The following LYPLAL1 variants were observed in gnomAD, a reference collection of about 807,000 sequenced individuals.
LYPLAL1 encodes lysophospholipase like 1.
A neutral mutation model predicts 19.7 loss-of-function variants in LYPLAL1; 23 were observed. That is an observed-to-expected ratio of 1.17 (90% CI 0.84 to 1.65). The LOEUF (loss-of-function observed/expected upper bound fraction) is 1.65. Ranked by LOEUF, LYPLAL1 falls within the 40% of genes most tolerant of loss-of-function variation. LYPLAL1 has a pLI of 0.00. For missense variants in LYPLAL1, 355 were observed against 279.4 expected (o/e 1.27, Z -1.93); for synonymous variants, 119 against 96.3 (o/e 1.24, Z -1.38).
intron 2 of LYPLAL1, among the ~76,000 whole-genome samples, chr1:219,191,240 A>T (rs1328475654): frequency 1.3e-5 from 2 of 151,514 alleles, no homozygotes; most frequent in Non-Finnish European, 3.0e-5. Flanking sequence ...TTTTAATCCA[A>T]CCTGTTTCTT....
the LYPLAL1 span, among the ~76,000 whole-genome samples, chr1:219,400,261 A>T: frequency 2.0e-5 from 3 of 151,982 alleles, no homozygotes; most frequent in African/African-American, 4.8e-5. Context: ...CAGCTGTTCC[A>T]TGTGGCAGCA....
the LYPLAL1 span, among the ~76,000 whole-genome samples, chr1:219,334,526 G>GGTGTGT: frequency 0.028 from 4,049 of 147,204 alleles, 71 homozygotes; most frequent in Middle Eastern, 0.062. Context: ...AATGAAGAGG[G>GGTGTGT]GTGTGTGTGT....
chr1:219,295,343 A>G, the LYPLAL1 span, among the ~76,000 whole-genome samples: 1 of 152,114 alleles, frequency 6.6e-6, no homozygotes, highest in East Asian at 1.9e-4. Flanking sequence ...TCATCTTCAT[A>G]CCACCCACCT....
At chr1:219,291,732 T>G in the LYPLAL1 span, among the ~76,000 whole-genome samples, 170 of 152,190 alleles carry the variant, frequency 1.1e-3, no homozygotes, top group Non-Finnish European at 1.9e-3. Context: ...GCACCTAGAT[T>G]AGTAATTAAA....
At chr1:219,432,252 T>C in the LYPLAL1 span, among the ~76,000 whole-genome samples, 2 of 152,214 alleles carry the variant, frequency 1.3e-5, no homozygotes, top group Non-Finnish European at 2.9e-5. Flanking sequence ...CATCAATTTC[T>C]TTGATGTCCC....
the LYPLAL1 span, among the ~76,000 whole-genome samples, chr1:219,311,148 T>G: frequency 2.6e-4 from 40 of 152,172 alleles, no homozygotes; most frequent in African/African-American, 8.4e-4. Flanking sequence ...TTTTTTTTTT[T>G]TTTCTTTCTC....
chr1:219,236,577 A>C, the LYPLAL1 span, among the ~76,000 whole-genome samples: 1 of 152,326 alleles, frequency 6.6e-6, no homozygotes, highest in African/African-American at 2.4e-5. Context: ...TATCTACCAA[A>C]ACAGTCCATT....
the LYPLAL1 span, among the ~76,000 whole-genome samples, chr1:219,333,989 G>A: frequency 9.4e-4 from 143 of 152,102 alleles, 1 homozygote; most frequent in African/African-American, 2.7e-3. Flanking sequence ...TCAACTTTAT[G>A]ATGGAAAACA....
intron 1 of LYPLAL1, among the ~76,000 whole-genome samples, chr1:219,174,539 C>G (rs1169178086): frequency 6.6e-6 from 1 of 152,166 alleles, no homozygotes; most frequent in African/African-American, 2.4e-5. Context: ...CTTCCTTTCC[C>G]TTTCCCGCCT....
At chr1:219,271,525 C>G in the LYPLAL1 span, 1 of 151,942 alleles carries the variant, frequency 6.6e-6, no homozygotes, top group Non-Finnish European at 1.5e-5. Flanking sequence ...AAGAATATTG[C>G]CAATTAAAAG....
chr1:219,362,854 G>C, the LYPLAL1 span, among the ~76,000 whole-genome samples: 1 of 151,882 alleles, frequency 6.6e-6, no homozygotes, highest in Non-Finnish European at 1.5e-5. Context: ...GAGGTTAGAG[G>C]AAGGAAACAA....
chr1:219,205,207 A>G (rs992383998), intron 3 of LYPLAL1, among the ~76,000 whole-genome samples: 5 of 151,424 alleles, frequency 3.3e-5, no homozygotes, highest in African/African-American at 1.2e-4. Flanking sequence ...AATACAAAAA[A>G]TTAGCCGGGC....
At chr1:219,408,083 T>A in the LYPLAL1 span, among the ~76,000 whole-genome samples, 2 of 152,092 alleles carry the variant, frequency 1.3e-5, no homozygotes, top group Non-Finnish European at 2.9e-5. Flanking sequence ...TATAACAACA[T>A]GTCAGGTGTT....
the LYPLAL1 span, chr1:219,270,832 G>A: frequency 6.6e-6 from 1 of 152,258 alleles, no homozygotes; most frequent in South Asian, 2.1e-4. Context: ...CTTACTATCT[G>A]CCTAAATAAT....
the LYPLAL1 span, among the ~76,000 whole-genome samples, chr1:219,286,806 T>G: frequency 1.3e-5 from 2 of 152,252 alleles, no homozygotes; most frequent in African/African-American, 4.8e-5. Flanking sequence ...CTCCTCTGTA[T>G]GGTGACAGTT....
the LYPLAL1 span, among the ~76,000 whole-genome samples, chr1:219,349,425 G>A: frequency 6.6e-6 from 1 of 152,176 alleles, no homozygotes. Context: ...TGCTATGAGA[G>A]AGATGTGAAC....
chr1:219,427,946 G>T, the LYPLAL1 span, among the ~76,000 whole-genome samples: 1 of 152,114 alleles, frequency 6.6e-6, no homozygotes, highest in Non-Finnish European at 1.5e-5. Flanking sequence ...GACCATGATG[G>T]GTCTGCCTGG....
intron 2 of LYPLAL1, among the ~76,000 whole-genome samples, chr1:219,192,721 G>A (rs1339178916): frequency 6.6e-6 from 1 of 151,570 alleles, no homozygotes; most frequent in Non-Finnish European, 1.5e-5. Flanking sequence ...TATCTTGATG[G>A]TGTGTGTGCC....
intron 1 of LYPLAL1, among the ~76,000 whole-genome samples, chr1:219,177,235 A>G (rs1322572638): frequency 6.6e-6 from 1 of 152,184 alleles, no homozygotes; most frequent in Non-Finnish European, 1.5e-5. Context: ...GGGATATCCA[A>G]GAGGGTACTG....
Sources: gnomAD v4.1 joint callset for allele counts (sites outside exome capture counted in the v4.1 genomes callset) on GRCh38, gnomAD v4.1.1 for gene constraint, MANE v1.5 for transcripts, NCBI Gene and HGNC (gene_info 2026-07-23, HGNC 2026-07-21) for gene names.